CACNA2D1: variants seen among roughly 807,000 people sequenced by gnomAD.
CACNA2D1 encodes the protein calcium voltage-gated channel auxiliary subunit alpha2delta 1, also known as voltage-dependent calcium channel subunit alpha-2/delta-1.
A neutral mutation model predicts 171.5 loss-of-function variants in CACNA2D1; 53 were observed. The observed-to-expected ratio is 0.31, with a 90% CI of 0.25 to 0.39. CACNA2D1 has a LOEUF of 0.39. Ranked by LOEUF, CACNA2D1 falls within the 10% of genes least tolerant of loss-of-function variation. The probability of loss-of-function intolerance (pLI) is 1.00; values close to 1 mark genes in which losing one functional copy is unlikely to be tolerated. For missense variants in CACNA2D1, 903 were observed against 1,299.8 expected (o/e 0.69, Z 4.69); for synonymous variants, 442 against 443.1 (o/e 1.00, Z 0.03).
At chr7:82,025,425 T>C (rs887926257) in intron 12 of CACNA2D1, among the ~76,000 whole-genome samples, 1 of 151,640 alleles carries the variant, frequency 6.6e-6, no homozygotes, top group Non-Finnish European at 1.5e-5. Context: ...GTAAATGAGA[T>C]TGTTTTCCTC....
intron 11 of CACNA2D1, among the ~76,000 whole-genome samples, chr7:82,037,847 CAT>C (rs1361873711): frequency 6.6e-6 from 1 of 152,022 alleles, no homozygotes; most frequent in East Asian, 1.9e-4. Context: ...TTTTTTAAAA[CAT>C]AGATAAAAAA....
At chr7:82,118,482 C>T (rs1204986820) in intron 5 of CACNA2D1, among the ~76,000 whole-genome samples, 1 of 152,082 alleles carries the variant, frequency 6.6e-6, no homozygotes, top group Admixed American at 6.6e-5. Flanking sequence ...GTATACATAG[C>T]AAGTGTTACC....
Position 82,287,240 on chromosome 7 carries a change from C to T in CACNA2D1, c.294+47895G>A, listed in dbSNP as rs560713632. Among the ~76,000 whole-genome samples the T allele has an allele frequency of 2.3e-3, 343 of 147,280 alleles. 1 individual carries two copies. The highest frequency in any genetic ancestry group is 8.3e-3 in the African/African-American group (326 of 39,302). Reference sequence around the variant, plus strand: ...TAGCATGTGGTAAATCTAGCTTAGACTTTTGGCTTCTTCTTTTCTTTCTTT... The same window carrying T: ...TAGCATGTGGTAAATCTAGCTTAGATTTTTGGCTTCTTCTTTTCTTTCTTT... On this transcript the variant is annotated intron_variant, in intron 3 of 38. Coordinates refer to ENST00000356860, the MANE Select transcript of CACNA2D1 (RefSeq NM_000722.4).
chr7:82,206,920 A>G (rs1800054666), intron 3 of CACNA2D1, among the ~76,000 whole-genome samples: 1 of 152,198 alleles, frequency 6.6e-6, no homozygotes, highest in African/African-American at 2.4e-5. Flanking sequence ...TAACCATATA[A>G]CATTAGACTC....
chr7:81,982,767 A>G (rs755358627), intron 23 of CACNA2D1, 140 bp from the exon 24 acceptor site: 4 of 724,904 alleles, frequency 5.5e-6, no homozygotes, highest in South Asian at 4.3e-5. Context: ...ATTGAAACAT[A>G]TCAATGAATA....
chr7:81,967,532 A>AT (rs1005281458), intron 30 of CACNA2D1, 64 bp downstream of exon 30: 37 of 874,062 alleles, frequency 4.2e-5, no homozygotes, highest in South Asian at 2.5e-4. Context: ...AGGACCTTAT[A>AT]TTTTTTTCTA....
chr7:82,377,497 T>A (rs958096440), intron 1 of CACNA2D1, among the ~76,000 whole-genome samples: 2 of 152,208 alleles, frequency 1.3e-5, no homozygotes, highest in African/African-American at 4.8e-5. Flanking sequence ...TTTTTCTCCC[T>A]AAATTGAAAT....
At position 81,970,990 on chromosome 7, in the gene CACNA2D1, A is replaced by C. The variant is rs556538127; in HGVS notation, c.2142-253T>G. 1.7e-3 allele frequency: 803 copies of C among 477,684 alleles called. 6 individuals are homozygous for C. The highest frequency in any genetic ancestry group is 8.0e-3 in the South Asian group (370 of 46,056). The allele number at this position is 477,684 out of a possible 1,614,324, so 29.6% of individuals were successfully genotyped here. ...TATGAATTGACAGCAATGACACAGAAAGCAGGAAGGTATCACTTGTAGAGA... is the reference window on the plus strand; with the variant it reads ...TATGAATTGACAGCAATGACACAGACAGCAGGAAGGTATCACTTGTAGAGA... On this transcript the variant is annotated intron_variant, in intron 26 of 38. Coordinates refer to ENST00000356860, the MANE Select transcript of CACNA2D1 (RefSeq NM_000722.4).
chr7:82,266,980 A>G (rs1189003815), intron 3 of CACNA2D1, among the ~76,000 whole-genome samples: 1 of 152,194 alleles, frequency 6.6e-6, no homozygotes, highest in African/African-American at 2.4e-5. Context: ...ATTTTTATCC[A>G]TCAAAAAATC....
At chr7:82,067,983 A>G (rs151224299) in intron 7 of CACNA2D1, among the ~76,000 whole-genome samples, 2 of 152,234 alleles carry the variant, frequency 1.3e-5, no homozygotes, top group African/African-American at 4.8e-5. Flanking sequence ...CTTTTCCTTT[A>G]TCAGATGGCA....
intron 38 of CACNA2D1, among the ~76,000 whole-genome samples, chr7:81,957,620 T>G (rs920028476): frequency 2.0e-5 from 3 of 152,084 alleles, no homozygotes; most frequent in African/African-American, 7.2e-5. Flanking sequence ...AGATGAGATT[T>G]CATGCAATTT....
chr7:82,331,149 T>C (rs78258622), intron 3 of CACNA2D1, among the ~76,000 whole-genome samples: 5,795 of 152,216 alleles, frequency 0.038, 158 homozygotes, highest in Middle Eastern at 0.082. Flanking sequence ...GTTTCTTCAT[T>C]GAAAAATGAG....
intron 3 of CACNA2D1, among the ~76,000 whole-genome samples, chr7:82,232,231 T>C (rs1276732677): frequency 2.0e-5 from 3 of 152,154 alleles, no homozygotes; most frequent in Non-Finnish European, 2.9e-5. Context: ...TGTGAAGAAA[T>C]AGCACCCCAA....
chr7:82,171,487 G>A (rs143146507), intron 3 of CACNA2D1, among the ~76,000 whole-genome samples: 1 of 152,158 alleles, frequency 6.6e-6, no homozygotes, highest in African/African-American at 2.4e-5. Context: ...CAAACTACTA[G>A]CTGTGCAACC....
At position 82,005,703 on chromosome 7, in the gene CACNA2D1, A is replaced by C. The variant is rs574394697; in HGVS notation, c.1515+62T>G. The C allele has an allele frequency of 5.4e-5, 63 of 1,157,686 alleles. No individual in the cohort carries two copies. The East Asian group carries it at 1.4e-3, about 25-fold the overall frequency. 71.7% of individuals were successfully genotyped at this position (1,157,686 alleles called of 1,614,324 possible). A position where few individuals can be genotyped will look rare whatever the true frequency, so the allele number is the denominator to read the frequency against. ...AATTTTTGAGAATTACCTAAGTGCCAAGCTAAGTTAGTACAGAGTTCTAAA... is the reference window on the plus strand; with the variant it reads ...AATTTTTGAGAATTACCTAAGTGCCCAGCTAAGTTAGTACAGAGTTCTAAA... On this transcript the variant is annotated intron_variant, in intron 17 of 38. Coordinates refer to ENST00000356860, the MANE Select transcript of CACNA2D1 (RefSeq NM_000722.4).
At chr7:82,339,010 T>C (rs1313411650) in intron 2 of CACNA2D1, among the ~76,000 whole-genome samples, 1 of 152,064 alleles carries the variant, frequency 6.6e-6, no homozygotes, top group Non-Finnish European at 1.5e-5. Flanking sequence ...AAGTTCTAAG[T>C]AGCAGTCAAG....
intron 1 of CACNA2D1, among the ~76,000 whole-genome samples, chr7:82,435,294 C>T (rs971946044): frequency 6.6e-6 from 1 of 152,092 alleles, no homozygotes; most frequent in Non-Finnish European, 1.5e-5. Flanking sequence ...ACCTCGGCCT[C>T]CCAAAGTGCT....
chr7:82,400,125 T>A (rs2129451667), intron 1 of CACNA2D1, among the ~76,000 whole-genome samples: 1 of 150,728 alleles, frequency 6.6e-6, no homozygotes, highest in South Asian at 2.1e-4. Context: ...TAGTTTGAAG[T>A]CAGGTAGTGT....
chr7:82,074,638 C>T (rs1808737206), intron 7 of CACNA2D1, among the ~76,000 whole-genome samples: 1 of 152,184 alleles, frequency 6.6e-6, no homozygotes, highest in Non-Finnish European at 1.5e-5. Context: ...GAAAAATCTT[C>T]TCTTACTGGT....
Sources: allele counts gnomAD v4.1 joint callset (sites outside exome capture counted in the v4.1 genomes callset), GRCh38; gene constraint gnomAD v4.1.1; transcripts MANE v1.5; gene names NCBI Gene and HGNC (gene_info 2026-07-23, HGNC 2026-07-21).